STK3: variants seen among roughly 807,000 people sequenced by gnomAD.
STK3 encodes serine/threonine-protein kinase 3.
Under a neutral mutation model 58.0 loss-of-function variants are expected in STK3, and 41 were observed. The ratio of observed to expected loss-of-function variants is 0.71; its 90% CI spans 0.55 to 0.92. The LOEUF (loss-of-function observed/expected upper bound fraction) is 0.92, where lower values mean the gene tolerates loss of function less well. STK3 is among the 40% of genes least tolerant of loss of function. STK3 has a pLI of 0.00. For synonymous variants in STK3, 170 were observed against 191.0 expected (o/e 0.89, Z 0.91); for missense variants, 479 against 602.7 (o/e 0.79, Z 2.15).
downstream of STK3, among the ~76,000 whole-genome samples, chr8:98,370,285 G>A (rs890944853): frequency 6.6e-6 from 1 of 150,596 alleles, no homozygotes; most frequent in East Asian, 2.0e-4. Context: ...ATTCTTTTAG[G>A]AACTAGAGAG....
At chr8:98,688,632 C>G (rs1824181995) in intron 6 of STK3, among the ~76,000 whole-genome samples, 1 of 152,040 alleles carries the variant, frequency 6.6e-6, no homozygotes, top group Non-Finnish European at 1.5e-5. Context: ...CTCAAAACCA[C>G]ATAAATACAT....
chr8:98,484,934 T>C (rs1325508936), intron 10 of STK3, among the ~76,000 whole-genome samples: 1 of 152,174 alleles, frequency 6.6e-6, no homozygotes, highest in African/African-American at 2.4e-5. Context: ...CTTCATCATT[T>C]GATTTATCTA....
chr8:98,691,310 T>G (rs1196989555), intron 6 of STK3, among the ~76,000 whole-genome samples: 2 of 152,234 alleles, frequency 1.3e-5, no homozygotes, highest in African/African-American at 4.8e-5. Context: ...TTACACAACT[T>G]CTTCAGAACA....
At chr8:98,895,445 C>T (rs1487151694) in intron 1 of STK3, among the ~76,000 whole-genome samples, 1 of 152,126 alleles carries the variant, frequency 6.6e-6, no homozygotes, top group East Asian at 1.9e-4. Context: ...GGAAGTGGTT[C>T]TAGTCCCAGC....
chr8:98,405,688 A>G (rs1456001896), intron 3 of STK3, among the ~76,000 whole-genome samples: 3 of 152,170 alleles, frequency 2.0e-5, no homozygotes, highest in African/African-American at 7.2e-5. Context: ...AGATTGAGCA[A>G]TTTACAAAAG....
intron 1 of STK3, among the ~76,000 whole-genome samples, chr8:98,781,148 G>A (rs753204165): frequency 2.0e-5 from 3 of 152,224 alleles, no homozygotes; most frequent in Non-Finnish European, 2.9e-5. Flanking sequence ...AAGAGAAGGA[G>A]AAGAAATAAG....
chr8:98,651,559 T>C (rs1284573198), intron 6 of STK3: 1 of 152,644 alleles, frequency 6.6e-6, no homozygotes, highest in Non-Finnish European at 1.5e-5. Context: ...CAGGAGGAAA[T>C]TCAAACCAAA....
At position 98,650,691 on chromosome 8, in the gene STK3, C is replaced by T. The variant is rs566646220; in HGVS notation, c.685-54522G>A. Among the ~76,000 whole-genome samples, 68 of 152,206 alleles carry T rather than the reference C, an allele frequency of 4.5e-4. 1 individual carries two copies. The highest frequency in any genetic ancestry group is 5.7e-4 in the Non-Finnish European group (39 of 68,036). On this transcript the variant is annotated intron_variant, in intron 6 of 10. Coordinates refer to ENST00000419617, the MANE Select transcript of STK3 (RefSeq NM_006281.4). ...AACAGCGCACCAGGAGATTATATCC[C>T]GCCCATGGCTCGGAGGGTCCTACGC...
intron 9 of STK3, among the ~76,000 whole-genome samples, chr8:98,536,452 C>A (rs1396852112): frequency 6.6e-6 from 1 of 151,900 alleles, no homozygotes; most frequent in Non-Finnish European, 1.5e-5. Flanking sequence ...CAGAGTGAGA[C>A]CCTTCTCTTA....
chr8:98,682,823 C>T (rs2130905093), intron 6 of STK3, among the ~76,000 whole-genome samples: 1 of 152,168 alleles, frequency 6.6e-6, no homozygotes, highest in South Asian at 2.1e-4. Flanking sequence ...AAGTGTTATA[C>T]ACATGAAATT....
At chr8:98,840,609 A>ATG (rs1353891042) in intron 3 of STK3, among the ~76,000 whole-genome samples, 1 of 133,854 alleles carries the variant, frequency 7.5e-6, no homozygotes, top group Non-Finnish European at 1.6e-5. Context: ...ATATATATAT[A>ATG]TATATATATA....
chr8:98,579,559 T>C (rs755907208), intron 8 of STK3, 105 bp downstream of exon 8: 1 of 1,338,418 alleles, frequency 7.5e-7, no homozygotes, highest in Non-Finnish European at 1.0e-6. Context: ...AAAAAACATA[T>C]CTTACTTGTA....
At chr8:98,734,378 C>G (rs903058391) in intron 4 of STK3, among the ~76,000 whole-genome samples, 1 of 152,170 alleles carries the variant, frequency 6.6e-6, no homozygotes, top group Non-Finnish European at 1.5e-5. Context: ...AGAACCAAAA[C>G]TAAAACCCAT....
intron 3 of STK3, among the ~76,000 whole-genome samples, chr8:98,856,399 A>G (rs1836683675): frequency 6.6e-6 from 1 of 152,128 alleles, no homozygotes; most frequent in African/African-American, 2.4e-5. Context: ...AAATGTCTGA[A>G]TAGATGTTTA....
intron 6 of STK3, among the ~76,000 whole-genome samples, chr8:98,605,562 A>G (rs1226682678): frequency 6.7e-6 from 1 of 149,478 alleles, no homozygotes; most frequent in African/African-American, 2.5e-5. Context: ...TTCCTCTCTT[A>G]CTTCCTCCCT....
intron 9 of STK3, among the ~76,000 whole-genome samples, chr8:98,529,341 C>G (rs1302967147): frequency 6.6e-6 from 1 of 152,120 alleles, no homozygotes; most frequent in Non-Finnish European, 1.5e-5. Context: ...TCTTTCCTTT[C>G]TCCCTACTTT....
chr8:98,739,146 C>A (rs1214624311), intron 4 of STK3, among the ~76,000 whole-genome samples: 5 of 152,254 alleles, frequency 3.3e-5, no homozygotes, highest in Non-Finnish European at 7.3e-5. Context: ...CCTCTGTAGG[C>A]TCCACCTCTG....
chr8:98,363,123 G>C, the STK3 span, among the ~76,000 whole-genome samples: 1 of 152,172 alleles, frequency 6.6e-6, no homozygotes, highest in African/African-American at 2.4e-5. Context: ...AAATAGATCA[G>C]CCTTAAATGG....
chr8:98,840,850 C>G (rs1041425727), intron 3 of STK3, among the ~76,000 whole-genome samples: 2 of 152,056 alleles, frequency 1.3e-5, no homozygotes, highest in African/African-American at 4.8e-5. Context: ...AGCCCTGTGT[C>G]TCTCCCAAGG....
Sources: allele counts gnomAD v4.1 joint callset (sites outside exome capture counted in the v4.1 genomes callset), GRCh38; gene constraint gnomAD v4.1.1; transcripts MANE v1.5; gene names NCBI Gene and HGNC (gene_info 2026-07-23, HGNC 2026-07-21).